ADCY10: variants seen among roughly 807,000 people sequenced by gnomAD.
ADCY10 encodes adenylate cyclase 10, also known as adenylate cyclase type 10.
Under a neutral mutation model 183.3 loss-of-function variants are expected in ADCY10, and 156 were observed. The ratio of observed to expected loss-of-function variants is 0.85; its 90% CI spans 0.75 to 0.97. ADCY10 has a LOEUF of 0.97. Among genes scored for constraint, ADCY10 ranks in the 50% least tolerant of loss-of-function variants. The pLI, the probability that ADCY10 is intolerant of heterozygous loss-of-function variation, is 0.00. For missense variants in ADCY10, 1,745 were observed against 1,934.3 expected, an observed-to-expected ratio of 0.90 and a Z score of 1.84; for synonymous variants, 645 against 670.0, an observed-to-expected ratio of 0.96 and a Z score of 0.58.
intron 1 of ADCY10, among the ~76,000 whole-genome samples, chr1:167,910,807 C>T (rs1314529706): frequency 6.6e-6 from 1 of 152,158 alleles, no homozygotes; most frequent in East Asian, 1.9e-4. Flanking sequence ...CTCTCCTGCC[C>T]CCAGTTCACT....
At chr1:167,851,027 G>A (rs1220547471) in intron 18 of ADCY10, among the ~76,000 whole-genome samples, 3 of 152,052 alleles carry the variant, frequency 2.0e-5, no homozygotes, top group Admixed American at 6.5e-5. Flanking sequence ...ACTCAGGTTC[G>A]CCTGTTGTCA....
At chr1:167,899,246 G>C (rs1391747638) in intron 6 of ADCY10, among the ~76,000 whole-genome samples, 177 bp downstream of exon 6, 1 of 152,152 alleles carries the variant, frequency 6.6e-6, no homozygotes, top group Non-Finnish European at 1.5e-5. Flanking sequence ...TCACCAGCCT[G>C]GGCTCCTCCC....
chr1:167,860,840 T>C (rs755366811), intron 15 of ADCY10, 31 bp downstream of exon 15: 6 of 1,591,170 alleles, frequency 3.8e-6, no homozygotes, highest in Non-Finnish European at 5.2e-6. Context: ...CCCATGGCTA[T>C]TTGTGCAGAA....
chr1:167,821,990 T>C, intron 30 of ADCY10, 34 bp downstream of exon 30: 1 of 1,387,930 alleles, frequency 7.2e-7, no homozygotes, highest in Non-Finnish European at 1.0e-6. Context: ...ACATTTTCAC[T>C]TTGGGAATTT....
At chr1:167,837,519 T>C (rs1389009697) in intron 21 of ADCY10, among the ~76,000 whole-genome samples, 1 of 152,224 alleles carries the variant, frequency 6.6e-6, no homozygotes, top group African/African-American at 2.4e-5. Context: ...GTAATATATG[T>C]CACCTCTAGG....
chr1:167,903,171 G>A (rs1669559816), intron 3 of ADCY10, among the ~76,000 whole-genome samples: 2 of 152,072 alleles, frequency 1.3e-5, no homozygotes, highest in South Asian at 4.1e-4. Context: ...CAGGAGAATC[G>A]CTTGAACCTG....
At chr1:167,884,317 T>C (rs1027252062) in intron 8 of ADCY10, among the ~76,000 whole-genome samples, 1 of 152,134 alleles carries the variant, frequency 6.6e-6, no homozygotes, top group African/African-American at 2.4e-5. Context: ...ACTTCTTATA[T>C]GGCCAGAGGA....
rs115709018 is a variant in ADCY10 at position 167,846,136 on chromosome 1, C to T, written c.2565G>A (p.Lys855=). 6.9e-3 allele frequency: 11,089 copies of T among 1,614,156 alleles called. 81 individuals are homozygous for T. Among genetic ancestry groups the T allele is most frequent in the Non-Finnish European group, 6.8e-3 (8,058 of 1,180,032 alleles). Reference sequence around the variant, plus strand: ...GGGTTGCCAGGGTCTTGATCATCATCTTCATATTCCAACAGGGGAGAATCT... The same window carrying T: ...GGGTTGCCAGGGTCTTGATCATCATTTTCATATTCCAACAGGGGAGAATCT... ...LFEILPCWNM[K]MMIKTLATLV... Residue 855 remains lysine, a synonymous_variant, in exon 20 of 33, where the codon AAG becomes AAA. Transcript: ENST00000367851.
At chr1:167,862,325 A>G (rs1303779443) in intron 14 of ADCY10, among the ~76,000 whole-genome samples, 1 of 152,194 alleles carries the variant, frequency 6.6e-6, no homozygotes, top group African/African-American at 2.4e-5. Flanking sequence ...CTAATCCAAT[A>G]AAACTGATGC....
chr1:167,856,168 T>C lies in ADCY10; in HGVS notation c.2168A>G (p.Asp723Gly). The C allele has an allele frequency of 3.7e-6, 6 of 1,613,828 alleles. No homozygotes were observed. The highest frequency in any genetic ancestry group is 1.1e-5 in the South Asian group (1 of 91,056). ...LNVSCISKEL[D>G]SYLGEGSCGI... ...AGAATAGAAAGAGGTTACTTACGAG[T>C]CCAGTTCTTTGGAGATGCAGCTCAC... The change falls in exon 17 of 33, where the codon GAC becomes GGC. Residue 723 changes from aspartate (D) to glycine (G), a missense_variant. Coordinates refer to ENST00000367851, the MANE Select transcript of ADCY10 (RefSeq NM_018417.6).
In ADCY10 at chr1:167,860,879, G is replaced by A. The variant is rs1448799863; in HGVS notation, c.1801C>T (p.His601Tyr). ...TAATACTAGCTAGTTACCTGAACAT[G>A]GAAAATGTCATTAAGAAGACAGTAG... is the stretch of plus-strand genomic sequence containing the variant. The part of the protein sequence containing the change: ...KFYCLLNDIF[H>Y]VQFPISREIS... Residue 601 changes from histidine (H) to tyrosine (Y), a missense_variant, in exon 15 of 33, where the codon CAT becomes TAT. His to Tyr is a moderately conservative substitution (Grantham distance 83, BLOSUM62 2). Transcript: ENST00000367851. The A allele has an allele frequency of 1.9e-6, 3 of 1,613,852 alleles. No homozygotes were observed. The highest frequency in any genetic ancestry group is 1.7e-5 in the Admixed American group (1 of 59,992).
At chr1:167,852,737 T>A (rs1309454460) in intron 18 of ADCY10, among the ~76,000 whole-genome samples, 1 of 151,654 alleles carries the variant, frequency 6.6e-6, no homozygotes, top group Non-Finnish European at 1.5e-5. Flanking sequence ...AAAAAAAAAA[T>A]TGATCTTTCC....
intron 8 of ADCY10, among the ~76,000 whole-genome samples, chr1:167,886,531 T>C (rs867565812): frequency 3.3e-5 from 5 of 152,292 alleles, no homozygotes; most frequent in African/African-American, 1.2e-4. Context: ...TCCTTCCACC[T>C]TATACAAAAA....
intron 31 of ADCY10, among the ~76,000 whole-genome samples, chr1:167,816,035 C>T (rs1662509122): frequency 1.3e-5 from 2 of 150,718 alleles, no homozygotes; most frequent in Admixed American, 6.7e-5. Flanking sequence ...GGGATAAGTA[C>T]AAAAGGTATA....
intron 30 of ADCY10, chr1:167,819,846 T>TCA: frequency 1.4e-6 from 1 of 710,262 alleles, no homozygotes; most frequent in Non-Finnish European, 2.5e-6. Context: ...ATTACAGGTG[T>TCA]CAGCCACCGC....
At position 167,863,557 on chromosome 1, in the gene ADCY10, G is replaced by C. The variant is rs569549985; in HGVS notation, c.1617-2494C>G. On this transcript the variant is annotated intron_variant, in intron 14 of 32. Transcript: ENST00000367851. ...TCGGTGTCTGAGGGGTTTTGTCTGC[G>C]GCTCATCCTGCTACATTTCTTGGTT... is the stretch of plus-strand genomic sequence containing the variant. 1.8e-4 allele frequency among the ~76,000 whole-genome samples: 27 copies of C among 151,968 alleles called. 1 individual carries two copies. The East Asian group carries it at 4.9e-3, about 27-fold the overall frequency.
Position 167,878,429 on chromosome 1 carries a change from T to G in ADCY10, c.1406+17A>C. The G allele has an allele frequency of 6.2e-7, 1 of 1,612,184 alleles. No homozygotes were observed. Among genetic ancestry groups the G allele is most frequent in the Non-Finnish European group, 8.5e-7 (1 of 1,178,918 alleles). The stretch of plus-strand genomic sequence containing the variant: ...TCTTTACTAAAATATACTTCAAAAT[T>G]AATGCTCCACACTCACACTTTCTCA... On this transcript the variant is annotated intron_variant, in intron 12 of 32. Transcript: ENST00000367851.
At chr1:167,901,980 C>T (rs771044443) in intron 4 of ADCY10, 36 bp downstream of exon 4, 3 of 1,613,388 alleles carry the variant, frequency 1.9e-6, no homozygotes, top group South Asian at 1.1e-5. Flanking sequence ...CTCAGCACTC[C>T]TTTCTTACCC....
At chr1:167,904,180 C>T (rs527873245) in intron 2 of ADCY10, among the ~76,000 whole-genome samples, 189 bp from the exon 3 acceptor site, 7 of 151,280 alleles carry the variant, frequency 4.6e-5, no homozygotes, top group African/African-American at 7.3e-5. Context: ...CTCCGCCTCC[C>T]GGGTTCAAGC....
Sources: allele counts gnomAD v4.1 joint callset (sites outside exome capture counted in the v4.1 genomes callset), GRCh38; gene constraint gnomAD v4.1.1; transcripts MANE v1.5; gene names NCBI Gene and HGNC (gene_info 2026-07-23, HGNC 2026-07-21).